Variants in PPP1R9A observed in about 807,000 individuals in gnomAD.
PPP1R9A encodes the protein protein phosphatase 1 regulatory subunit 9A, also known as neurabin-1.
Under a neutral mutation model 141.9 loss-of-function variants are expected in PPP1R9A, and 59 were observed. The ratio of observed to expected loss-of-function variants is 0.42; its 90% CI spans 0.34 to 0.52. PPP1R9A has a LOEUF of 0.52. PPP1R9A is among the 20% of genes least tolerant of loss of function. The pLI, the probability that PPP1R9A is intolerant of heterozygous loss-of-function variation, is 0.10. For synonymous variants in PPP1R9A, 500 were observed against 569.7 expected, an observed-to-expected ratio of 0.88 and a Z score of 1.74; for missense variants, 1,444 against 1,611.9, an observed-to-expected ratio of 0.90 and a Z score of 1.78.
Position 95,050,067 on chromosome 7 carries a change from A to G in PPP1R9A, c.1396-61192A>G, listed in dbSNP as rs561202062. Among the ~76,000 whole-genome samples the G allele has an allele frequency of 6.1e-4, 93 of 152,300 alleles. No homozygotes were observed. The South Asian group carries it at 0.013, about 21-fold the overall frequency. On this transcript the variant is annotated intron_variant, in intron 2 of 19. Transcript: ENST00000433360. ...ATGGTTAGAGTATATTTAGTTTTGT[A>G]CAAAATTGCCAAACTGTCTTCCAAA...
intron 14 of PPP1R9A, among the ~76,000 whole-genome samples, chr7:95,273,334 T>A (rs1169707925): frequency 6.6e-6 from 1 of 151,932 alleles, no homozygotes; most frequent in Non-Finnish European, 1.5e-5. Flanking sequence ...CTCCCCCATG[T>A]CCTCCCCTCC....
intron 2 of PPP1R9A, among the ~76,000 whole-genome samples, chr7:94,940,598 G>A (rs1258857880): frequency 2.6e-5 from 4 of 151,870 alleles, no homozygotes; most frequent in Non-Finnish European, 4.4e-5. Flanking sequence ...AAATAAGTTG[G>A]CTCTGTTAGC....
chr7:95,048,609 C>T (rs899075833), intron 2 of PPP1R9A, among the ~76,000 whole-genome samples: 5 of 151,962 alleles, frequency 3.3e-5, no homozygotes, highest in African/African-American at 1.2e-4. Flanking sequence ...GTGGCGCGAT[C>T]TTGGCTCACT....
chr7:94,973,521 A>G (rs1799089225), intron 2 of PPP1R9A, among the ~76,000 whole-genome samples: 1 of 152,136 alleles, frequency 6.6e-6, no homozygotes. Flanking sequence ...ACTAAAATGA[A>G]TATAGTAAGT....
chr7:95,098,382 A>G (rs1322310446), intron 2 of PPP1R9A: 1 of 139,198 alleles, frequency 7.2e-6, no homozygotes, highest in African/African-American at 2.8e-5. Flanking sequence ...ATAAAAATAA[A>G]TAAATAAAAA....
chr7:95,004,818 G>C (rs958370361), intron 2 of PPP1R9A, among the ~76,000 whole-genome samples: 1 of 152,172 alleles, frequency 6.6e-6, no homozygotes, highest in African/African-American at 2.4e-5. Flanking sequence ...ACTTCATCCA[G>C]CTTTGCTGCT....
intron 4 of PPP1R9A, among the ~76,000 whole-genome samples, chr7:95,148,012 G>T (rs928865229): frequency 2.0e-5 from 3 of 152,126 alleles, no homozygotes; most frequent in Non-Finnish European, 4.4e-5. Flanking sequence ...CATTGAAAAT[G>T]AAAATAGATC....
intron 5 of PPP1R9A, among the ~76,000 whole-genome samples, chr7:95,195,312 G>A (rs1288622998): frequency 1.3e-5 from 2 of 148,974 alleles, no homozygotes; most frequent in Admixed American, 6.7e-5. Flanking sequence ...ACAGGGTCTT[G>A]CTTTGTCACC....
At chr7:94,912,481 A>T (rs1791575937) in intron 2 of PPP1R9A, among the ~76,000 whole-genome samples, 1 of 152,196 alleles carries the variant, frequency 6.6e-6, no homozygotes, top group Non-Finnish European at 1.5e-5. Context: ...TTTAGACCAC[A>T]TTCTAGGGGC....
chr7:95,218,684 A>C (rs1400322660), intron 7 of PPP1R9A, among the ~76,000 whole-genome samples: 2 of 152,288 alleles, frequency 1.3e-5, no homozygotes, highest in East Asian at 3.9e-4. Context: ...TAGGATAGTT[A>C]GCTCTTCTTG....
chr7:95,001,247 A>G (rs902063247), intron 2 of PPP1R9A, among the ~76,000 whole-genome samples: 4 of 152,158 alleles, frequency 2.6e-5, no homozygotes, highest in Non-Finnish European at 5.9e-5. Context: ...GATAAGTAAC[A>G]TTTCTTTATA....
intron 4 of PPP1R9A, among the ~76,000 whole-genome samples, chr7:95,138,774 C>G (rs1238459315): frequency 1.3e-5 from 2 of 152,066 alleles, no homozygotes; most frequent in Non-Finnish European, 2.9e-5. Context: ...AATGTAATAG[C>G]AATGCAAATT....
intron 16 of PPP1R9A, among the ~76,000 whole-genome samples, chr7:95,275,003 T>G (rs1802897854): frequency 6.6e-6 from 1 of 152,232 alleles, no homozygotes; most frequent in African/African-American, 2.4e-5. Context: ...TAGGAGGTAT[T>G]CAAAGAATAA....
intron 2 of PPP1R9A, among the ~76,000 whole-genome samples, chr7:95,110,552 A>T (rs1156680138): frequency 6.6e-6 from 1 of 152,186 alleles, no homozygotes; most frequent in African/African-American, 2.4e-5. Context: ...TAAGATAAAC[A>T]TTTCAGCAGA....
chr7:95,248,843 C>A (rs896418348), intron 9 of PPP1R9A, among the ~76,000 whole-genome samples: 1 of 151,944 alleles, frequency 6.6e-6, no homozygotes, highest in Non-Finnish European at 1.5e-5. Context: ...TGCTTTCTAA[C>A]TTTGTAAACT....
At chr7:95,150,063 C>T (rs1411509549) in intron 4 of PPP1R9A, among the ~76,000 whole-genome samples, 1 of 150,466 alleles carries the variant, frequency 6.6e-6, no homozygotes, top group Non-Finnish European at 1.5e-5. Context: ...TAAATATACT[C>T]AACTGAACCT....
chr7:95,052,768 A>G (rs989352417), intron 2 of PPP1R9A, among the ~76,000 whole-genome samples: 1 of 152,148 alleles, frequency 6.6e-6, no homozygotes, highest in Admixed American at 6.6e-5. Flanking sequence ...ATTGGCATCA[A>G]CCAATAGTCA....
chr7:95,071,542 C>G (rs546407401), intron 2 of PPP1R9A, among the ~76,000 whole-genome samples: 1 of 151,694 alleles, frequency 6.6e-6, no homozygotes, highest in Admixed American at 6.6e-5. Flanking sequence ...ATGTGAAAAG[C>G]TTAGCTCAAC....
intron 14 of PPP1R9A, 145 bp from the exon 15 acceptor site, chr7:95,273,754 C>G: frequency 1.3e-6 from 1 of 780,794 alleles, no homozygotes; most frequent in Non-Finnish European, 2.0e-6. Context: ...AACTGTGTCT[C>G]CTAGGTCGTA....
Sources: allele counts gnomAD v4.1 joint callset (sites outside exome capture counted in the v4.1 genomes callset), GRCh38; gene constraint gnomAD v4.1.1; transcripts MANE v1.5; gene names NCBI Gene and HGNC (gene_info 2026-07-23, HGNC 2026-07-21).